Variants in ADAMTSL1 observed in about 807,000 individuals in gnomAD.
ADAMTSL1 encodes the protein ADAMTS-like protein 1.
A neutral mutation model predicts 201.8 loss-of-function variants in ADAMTSL1; 126 were observed. That is an observed-to-expected ratio of 0.62 (90% CI 0.54 to 0.72). ADAMTSL1 has a LOEUF of 0.72. Among genes scored for constraint, ADAMTSL1 ranks in the 30% least tolerant of loss-of-function variants. The probability of loss-of-function intolerance (pLI) is 0.00; values close to 1 mark genes in which losing one functional copy is unlikely to be tolerated. For synonymous variants in ADAMTSL1, 1,121 were observed against 903.4 expected (o/e 1.24, Z -4.32); for missense variants, 2,679 against 2,277.8 (o/e 1.18, Z -3.59).
chr9:18,716,533 A>G (rs1223492679), intron 14 of ADAMTSL1, among the ~76,000 whole-genome samples: 2 of 150,628 alleles, frequency 1.3e-5, no homozygotes, highest in East Asian at 3.9e-4. Context: ...CAAAACCACA[A>G]TGAGATACCA....
chr9:18,639,178 T>C, intron 6 of ADAMTSL1, 76 bp from the exon 7 acceptor site: 1 of 1,433,870 alleles, frequency 7.0e-7, no homozygotes, highest in East Asian at 2.3e-5. Context: ...GCTCTAAACA[T>C]TGTTGCATGA....
At chr9:18,739,880 G>A (rs531749970) in intron 15 of ADAMTSL1, among the ~76,000 whole-genome samples, 4 of 146,952 alleles carry the variant, frequency 2.7e-5, no homozygotes, top group Admixed American at 6.9e-5. Context: ...GTGTGTATAT[G>A]TGTGTACATG....
intron 1 of ADAMTSL1, among the ~76,000 whole-genome samples, chr9:17,999,473 A>T (rs1819522952): frequency 6.6e-6 from 1 of 152,050 alleles, no homozygotes; most frequent in Non-Finnish European, 1.5e-5. Flanking sequence ...GATTTTTGTT[A>T]TACTTGCAAT....
rs147780170 is a variant in ADAMTSL1 at position 18,116,612 on chromosome 9, G to C, written c.88-47250G>C. On this transcript the variant is annotated intron_variant, in intron 1 of 29. Coordinates refer to the ADAMTSL1 transcript ENST00000680146. ...TGAGTCATGTGGCTAAATAAAGACA[G>C]GGGTTGCATTTTATGTAGCAGATGT... 7.2e-5 allele frequency among the ~76,000 whole-genome samples: 11 copies of C among 152,256 alleles called. No individual in the cohort carries two copies. In the East Asian group the frequency reaches 1.5e-3, roughly 21 times the overall value.
chr9:18,127,609 T>C (rs1017914639), intron 1 of ADAMTSL1, among the ~76,000 whole-genome samples: 5 of 152,076 alleles, frequency 3.3e-5, no homozygotes, highest in African/African-American at 1.2e-4. Flanking sequence ...AAGTGATACA[T>C]CCAGTTTAGA....
intron 1 of ADAMTSL1, among the ~76,000 whole-genome samples, chr9:18,068,181 A>G (rs1822794692): frequency 6.6e-6 from 1 of 152,150 alleles, no homozygotes; most frequent in Non-Finnish European, 1.5e-5. Context: ...TGGACTGTTT[A>G]TTAAGATAGC....
chr9:18,689,897 C>A (rs1831110499), intron 13 of ADAMTSL1, among the ~76,000 whole-genome samples: 1 of 152,192 alleles, frequency 6.6e-6, no homozygotes, highest in African/African-American at 2.4e-5. Flanking sequence ...GATTTTCAGT[C>A]AACGGCTTTG....
chr9:17,926,036 C>T (rs1826512989), intron 1 of ADAMTSL1, among the ~76,000 whole-genome samples: 1 of 152,068 alleles, frequency 6.6e-6, no homozygotes, highest in Non-Finnish European at 1.5e-5. Context: ...CCCATTTCTA[C>T]CACAAACCAG....
At chr9:18,500,188 C>T (rs944141637) in intron 1 of ADAMTSL1, among the ~76,000 whole-genome samples, 1 of 152,182 alleles carries the variant, frequency 6.6e-6, no homozygotes, top group Non-Finnish European at 1.5e-5. Flanking sequence ...AGCTGTCAGG[C>T]TTGGAGCTGT....
At chr9:18,618,399 C>G (rs1825829876) in intron 4 of ADAMTSL1, among the ~76,000 whole-genome samples, 1 of 151,938 alleles carries the variant, frequency 6.6e-6, no homozygotes, top group Admixed American at 6.6e-5. Flanking sequence ...ATGTCTGATA[C>G]TGGGCTGAGC....
At chr9:18,691,914 A>C (rs1028550224) in intron 13 of ADAMTSL1, among the ~76,000 whole-genome samples, 5 of 152,152 alleles carry the variant, frequency 3.3e-5, no homozygotes, top group Non-Finnish European at 5.9e-5. Context: ...AGCATCATTC[A>C]TTTTCCTAGA....
intron 20 of ADAMTSL1, among the ~76,000 whole-genome samples, chr9:18,813,847 T>C (rs1007325774): frequency 1.3e-5 from 2 of 152,230 alleles, no homozygotes; most frequent in African/African-American, 4.8e-5. Flanking sequence ...TGCAGTACTA[T>C]GTTGAAGAAA....
At chr9:18,298,980 C>A (rs981987994) in intron 2 of ADAMTSL1, among the ~76,000 whole-genome samples, 1 of 150,688 alleles carries the variant, frequency 6.6e-6, no homozygotes, top group Non-Finnish European at 1.5e-5. Context: ...CCACTGCACT[C>A]CAGCCTGGGC....
chr9:18,809,414 G>T (rs969123370), intron 20 of ADAMTSL1, among the ~76,000 whole-genome samples: 7 of 152,190 alleles, frequency 4.6e-5, no homozygotes, highest in Admixed American at 3.9e-4. Context: ...CTGGAGCACT[G>T]TGATTGATGG....
At chr9:18,667,418 G>A (rs1431758431) in intron 9 of ADAMTSL1, among the ~76,000 whole-genome samples, 1 of 152,062 alleles carries the variant, frequency 6.6e-6, no homozygotes, top group Non-Finnish European at 1.5e-5. Flanking sequence ...TGGCAATATA[G>A]CCTGATGTTT....
At chr9:18,697,477 C>G (rs948803237) in intron 13 of ADAMTSL1, among the ~76,000 whole-genome samples, 1 of 152,128 alleles carries the variant, frequency 6.6e-6, no homozygotes, top group East Asian at 1.9e-4. Context: ...AAAATGCCAG[C>G]AGTTCGTTGA....
At chr9:18,680,854 C>T (rs1830432597) in intron 11 of ADAMTSL1, 2 of 311,150 alleles carry the variant, frequency 6.4e-6, no homozygotes. Flanking sequence ...TGATAGAGCT[C>T]AGTAGACCAG....
chr9:18,543,929 C>A (rs138640922), intron 3 of ADAMTSL1, among the ~76,000 whole-genome samples: 4 of 152,080 alleles, frequency 2.6e-5, no homozygotes, highest in Non-Finnish European at 5.9e-5. Flanking sequence ...CCTCCTTATT[C>A]TCTCTCCTAT....
At chr9:18,011,845 C>A (rs1820065029) in intron 1 of ADAMTSL1, among the ~76,000 whole-genome samples, 1 of 151,966 alleles carries the variant, frequency 6.6e-6, no homozygotes, top group Admixed American at 6.6e-5. Context: ...TGACACAATA[C>A]AACCCATGAG....
Sources: gnomAD v4.1 joint callset for allele counts (sites outside exome capture counted in the v4.1 genomes callset) on GRCh38, gnomAD v4.1.1 for gene constraint, MANE v1.5 for transcripts, NCBI Gene and HGNC (gene_info 2026-07-23, HGNC 2026-07-21) for gene names.